Variants in ZFAT observed in about 807,000 individuals in gnomAD.
ZFAT encodes the protein zinc finger and AT-hook domain containing, also known as zinc finger protein ZFAT.
Under a neutral mutation model 117.7 loss-of-function variants are expected in ZFAT, and 64 were observed. The ratio of observed to expected loss-of-function variants is 0.54; its 90% CI spans 0.44 to 0.67. The LOEUF is 0.67. Ranked by LOEUF, ZFAT falls within the 30% of genes least tolerant of loss-of-function variation. The pLI, the probability that ZFAT is intolerant of heterozygous loss-of-function variation, is 0.00. For synonymous variants in ZFAT, 679 were observed against 615.0 expected (o/e 1.10, Z -1.54); for missense variants, 1,433 against 1,584.5 (o/e 0.90, Z 1.62).
intron 1 of ZFAT, among the ~76,000 whole-genome samples, chr8:134,666,448 G>A (rs1832222736): frequency 6.6e-6 from 1 of 152,152 alleles, no homozygotes; most frequent in Non-Finnish European, 1.5e-5. Context: ...AATATCAACT[G>A]TAATGAGAAA....
intron 10 of ZFAT, among the ~76,000 whole-genome samples, chr8:134,566,266 T>C (rs955278917): frequency 6.6e-6 from 1 of 151,508 alleles, no homozygotes; most frequent in Non-Finnish European, 1.5e-5. Context: ...CAGTCGCGGG[T>C]GCCTGTAGTC....
intron 10 of ZFAT, among the ~76,000 whole-genome samples, chr8:134,572,265 A>T (rs897727361): frequency 6.6e-6 from 1 of 152,256 alleles, no homozygotes; most frequent in Admixed American, 6.5e-5. Context: ...TTAAAGAATC[A>T]TTTATTTGTT....
chr8:134,670,394 C>G (rs1286184374), intron 1 of ZFAT, among the ~76,000 whole-genome samples: 4 of 152,242 alleles, frequency 2.6e-5, no homozygotes, highest in Non-Finnish European at 5.9e-5. Context: ...GAAATTATAA[C>G]AAACTGTCTC....
At chr8:134,709,627 T>C (rs571239137) in intron 1 of ZFAT, among the ~76,000 whole-genome samples, 62 of 152,350 alleles carry the variant, frequency 4.1e-4, no homozygotes, top group Non-Finnish European at 7.9e-4. Flanking sequence ...GTGCAGAGTT[T>C]TTCAGAGGCT....
At chr8:134,789,653 A>G in the ZFAT span, among the ~76,000 whole-genome samples, 1 of 152,216 alleles carries the variant, frequency 6.6e-6, no homozygotes, top group Non-Finnish European at 1.5e-5. Context: ...ATCATAAAGA[A>G]CAGAAAAAGC....
At chr8:134,496,737 A>G (rs1818467370) in intron 15 of ZFAT, among the ~76,000 whole-genome samples, 1 of 152,140 alleles carries the variant, frequency 6.6e-6, no homozygotes, top group African/African-American at 2.4e-5. Flanking sequence ...TGTATAACCA[A>G]CCACACTAGA....
chr8:134,550,310 G>GAAAAAAAAAAAAAAAAAAAAAAA (rs10680896), intron 11 of ZFAT, among the ~76,000 whole-genome samples: 1 of 72,532 alleles, frequency 1.4e-5, no homozygotes, highest in Admixed American at 1.8e-4. Context: ...GGTCACAACG[G>GAAAAAAAAAAAAAAAAAAAAAAA]AAAAAAAAAA....
chr8:134,546,954 C>A (rs1362659378), intron 11 of ZFAT, among the ~76,000 whole-genome samples: 1 of 152,188 alleles, frequency 6.6e-6, no homozygotes, highest in East Asian at 1.9e-4. Flanking sequence ...GGAGTTTGAG[C>A]ACTTCCTGTT....
chr8:134,828,196 T>C, the ZFAT span, among the ~76,000 whole-genome samples: 2 of 152,340 alleles, frequency 1.3e-5, no homozygotes, highest in South Asian at 4.1e-4. Flanking sequence ...TCTTTAATCT[T>C]CATTTTTACT....
chr8:134,567,656 G>A (rs943929151), intron 10 of ZFAT, among the ~76,000 whole-genome samples: 1 of 152,082 alleles, frequency 6.6e-6, no homozygotes, highest in African/African-American at 2.4e-5. Context: ...AGCAGAGAAG[G>A]CCCTCCAGAA....
the ZFAT span, among the ~76,000 whole-genome samples, chr8:134,732,668 G>A: frequency 0.02 from 2,974 of 152,272 alleles, 82 homozygotes; most frequent in African/African-American, 0.066. Context: ...AATTAGGAGC[G>A]TTTCAGAAAG....
At chr8:134,646,065 C>T (rs966876564) in intron 2 of ZFAT, among the ~76,000 whole-genome samples, 2 of 151,942 alleles carry the variant, frequency 1.3e-5, no homozygotes, top group Non-Finnish European at 2.9e-5. Flanking sequence ...AAAAATTAGC[C>T]GGGCGTGGTG....
chr8:134,568,695 A>G (rs1022762757), intron 10 of ZFAT, among the ~76,000 whole-genome samples: 1 of 152,236 alleles, frequency 6.6e-6, no homozygotes, highest in Non-Finnish European at 1.5e-5. Context: ...AGAAGCTAAA[A>G]GCCATCCCTT....
At chr8:134,535,737 A>G (rs1311351927) in intron 11 of ZFAT, among the ~76,000 whole-genome samples, 1 of 151,918 alleles carries the variant, frequency 6.6e-6, no homozygotes, top group Non-Finnish European at 1.5e-5. Flanking sequence ...GGGCTTTCTC[A>G]TCTATCTAGT....
chr8:134,498,258 G>T (rs1186544181), intron 15 of ZFAT, among the ~76,000 whole-genome samples: 2 of 144,100 alleles, frequency 1.4e-5, no homozygotes, highest in Non-Finnish European at 3.0e-5. Context: ...GATTTGGTAG[G>T]GTTGGGGTGG....
At chr8:134,665,339 A>G (rs1220352949) in intron 1 of ZFAT, among the ~76,000 whole-genome samples, 3 of 152,198 alleles carry the variant, frequency 2.0e-5, no homozygotes, top group Non-Finnish European at 4.4e-5. Flanking sequence ...GGAAGGGGTG[A>G]TGAGGGTCAG....
chr8:134,790,585 T>A, the ZFAT span, among the ~76,000 whole-genome samples: 6 of 152,218 alleles, frequency 3.9e-5, no homozygotes, highest in Non-Finnish European at 4.4e-5. Flanking sequence ...ACACATTCTG[T>A]TAGTTCACAA....
At chr8:134,666,748 GC>G (rs1371059202) in intron 1 of ZFAT, among the ~76,000 whole-genome samples, 1 of 152,082 alleles carries the variant, frequency 6.6e-6, no homozygotes, top group African/African-American at 2.4e-5. Context: ...AAAGAACAGT[GC>G]CCCCAAGGAC....
the ZFAT span, among the ~76,000 whole-genome samples, chr8:134,720,572 C>G: frequency 8.5e-5 from 13 of 152,326 alleles, no homozygotes; most frequent in Middle Eastern, 6.8e-3. Flanking sequence ...GGAAGACAAG[C>G]CAGGAGGCCC....
Sources: gnomAD v4.1 joint callset for allele counts (sites outside exome capture counted in the v4.1 genomes callset) on GRCh38, gnomAD v4.1.1 for gene constraint, MANE v1.5 for transcripts, NCBI Gene and HGNC (gene_info 2026-07-23, HGNC 2026-07-21) for gene names.